GALNT18: variants seen among roughly 807,000 people sequenced by gnomAD.
GALNT18 encodes GalNAc-transferase 18.
A neutral mutation model predicts 69.5 loss-of-function variants in GALNT18; 44 were observed. The observed-to-expected ratio is 0.63, with a 90% CI of 0.50 to 0.81. The LOEUF is 0.81. Among genes scored for constraint, GALNT18 ranks in the 40% least tolerant of loss-of-function variants. GALNT18 has a pLI of 0.00. For synonymous variants in GALNT18, 364 were observed against 318.2 expected (o/e 1.14, Z -1.53); for missense variants, 715 against 810.0 (o/e 0.88, Z 1.42).
At chr11:11,428,420 T>G (rs548898454) in intron 3 of GALNT18, among the ~76,000 whole-genome samples, 1 of 152,242 alleles carries the variant, frequency 6.6e-6, no homozygotes, top group African/African-American at 2.4e-5. Context: ...CTTCCCACCA[T>G]GTCTGGCCTC....
chr11:11,611,984 C>T (rs563165623), intron 1 of GALNT18, among the ~76,000 whole-genome samples: 2 of 152,306 alleles, frequency 1.3e-5, no homozygotes, highest in Non-Finnish European at 2.9e-5. Flanking sequence ...CCTGAGGCCT[C>T]TGAGCTTACA....
intron 1 of GALNT18, among the ~76,000 whole-genome samples, chr11:11,508,547 C>T (rs970696960): frequency 1.3e-4 from 20 of 152,190 alleles, no homozygotes; most frequent in African/African-American, 4.8e-4. Context: ...GGGTGTTACT[C>T]CAAGGCCATG....
intron 1 of GALNT18, among the ~76,000 whole-genome samples, chr11:11,487,152 T>C (rs1454473226): frequency 4.6e-5 from 7 of 152,246 alleles, no homozygotes; most frequent in Admixed American, 1.3e-4. Context: ...TATTTAACCA[T>C]TCCACTTCCC....
rs1311097744 is a variant in GALNT18 at position 11,546,005 on chromosome 11, C to T, written c.235+75354G>A. Among the ~76,000 whole-genome samples the T allele has an allele frequency of 1.3e-5, 2 of 152,096 alleles. No homozygotes were observed. Among genetic ancestry groups the T allele is most frequent in the South Asian group, 2.1e-4 (1 of 4,830 alleles). ...CTAACTTCTCCAGGAGCTGAGACAC[C>T]CTGGGGAGGTTCCCAGCTTTAGAAC... On this transcript the variant is annotated intron_variant, in intron 1 of 10. Transcript: ENST00000227756. The surrounding 1 kb of genome is among the most constrained non-coding windows in gnomAD (Gnocchi z 5.8).
In GALNT18 at chr11:11,293,125, GTCA is replaced by G. The variant is rs774696071; in HGVS notation, c.1578_1580del (p.Asp527del). On this transcript the variant is annotated inframe_deletion, in exon 10 of 11. Coordinates refer to ENST00000227756, the MANE Select transcript of GALNT18 (RefSeq NM_198516.3). ...TGTTGACGTCCACCAGGCATCGGTT[GTCA>G]TCATCATCCACGGTGGGGCTCAGAA... is the stretch of plus-strand genomic sequence containing the variant. The G allele has an allele frequency of 2.8e-5, 39 of 1,371,134 alleles. No individual in the cohort carries two copies. Among genetic ancestry groups the G allele is most frequent in the Middle Eastern group, 2.0e-4 (1 of 5,118 alleles). 84.9% of individuals were successfully genotyped at this position (1,371,134 alleles called of 1,614,324 possible). A position where few individuals can be genotyped will look rare whatever the true frequency, so the allele number is the denominator to read the frequency against.
chr11:11,365,509 C>T (rs1850744776), intron 6 of GALNT18, among the ~76,000 whole-genome samples: 1 of 152,222 alleles, frequency 6.6e-6, no homozygotes, highest in Middle Eastern at 3.4e-3. Context: ...TGGGTATATG[C>T]TCAGTAATGG....
chr11:11,321,053 C>G (rs149695391), intron 9 of GALNT18, among the ~76,000 whole-genome samples: 76 of 152,312 alleles, frequency 5.0e-4, no homozygotes, highest in African/African-American at 1.8e-3. Flanking sequence ...GCTGCAGCTT[C>G]ACATCAAGAA....
In GALNT18 at chr11:11,332,816, T is replaced by A; in HGVS notation, c.1294A>T (p.Ile432Phe). 1 of 1,613,524 alleles carries A rather than the reference T, an allele frequency of 6.2e-7. No individual in the cohort carries two copies. Among genetic ancestry groups the A allele is most frequent in the Non-Finnish European group, 8.5e-7 (1 of 1,179,988 alleles). ...NIPQEDSGIDIGDITARKALR... is the reference protein window; with the variant it reads ...NIPQEDSGIDFGDITARKALR... ...GCCTTCCTTGCAGTGATGTCCCCAA[T>A]GTCAATTCCTGAGTCCTGCACAGGG... Residue 432 changes from isoleucine to phenylalanine, a missense_variant, in exon 8 of 11, where the codon ATT (isoleucine) becomes TTT (phenylalanine). Physicochemically the swap from Ile to Phe is conservative, Grantham distance 21. Coordinates refer to ENST00000227756, the MANE Select transcript of GALNT18 (RefSeq NM_198516.3). The surrounding 1 kb of genome is among the most constrained non-coding windows in gnomAD (Gnocchi z 4.3).
At chr11:11,292,901 C>T in intron 10 of GALNT18, 128 bp downstream of exon 10, 1 of 819,362 alleles carries the variant, frequency 1.2e-6, no homozygotes, top group Non-Finnish European at 1.7e-6. Flanking sequence ...TCTGGAGCCA[C>T]AGCCTCACTA....
At chr11:11,593,478 T>C (rs1445055869) in intron 1 of GALNT18, among the ~76,000 whole-genome samples, 2 of 152,234 alleles carry the variant, frequency 1.3e-5, no homozygotes, top group Non-Finnish European at 2.9e-5. Flanking sequence ...AAACAGACAC[T>C]GATGTTAACA....
chr11:11,489,132 A>G (rs549674035), intron 1 of GALNT18, among the ~76,000 whole-genome samples: 1 of 152,324 alleles, frequency 6.6e-6, no homozygotes, highest in Non-Finnish European at 1.5e-5. Context: ...ACATTTTTTG[A>G]GTACTTCCTA....
intron 1 of GALNT18, among the ~76,000 whole-genome samples, chr11:11,611,507 C>T (rs1044910820): frequency 4.6e-5 from 7 of 152,130 alleles, no homozygotes; most frequent in African/African-American, 1.7e-4. Context: ...ATTTTTACCC[C>T]GTTGCTAGGA....
In GALNT18 at chr11:11,445,853, C is replaced by T. The variant is rs549016143; in HGVS notation, c.428+2891G>A. 2.0e-5 allele frequency among the ~76,000 whole-genome samples: 3 copies of T among 152,294 alleles called. No homozygotes were observed. The South Asian group carries it at 6.2e-4, about 32-fold the overall frequency. The stretch of plus-strand genomic sequence containing the variant: ...AAAGTTCTGTGCAGAGGGAAGGTCT[C>T]TCTGTAAGGACGATTGCTCCTCTCC... On this transcript the variant is annotated intron_variant, in intron 2 of 10. Transcript: ENST00000227756.
chr11:11,343,185 A>T (rs1350666526), intron 6 of GALNT18, among the ~76,000 whole-genome samples: 1 of 151,822 alleles, frequency 6.6e-6, no homozygotes, highest in Non-Finnish European at 1.5e-5. Flanking sequence ...CTCTGCTGAA[A>T]ATTTCAAAAA....
At chr11:11,354,316 G>T (rs927308202) in intron 6 of GALNT18, among the ~76,000 whole-genome samples, 1 of 152,198 alleles carries the variant, frequency 6.6e-6, no homozygotes, top group African/African-American at 2.4e-5. Context: ...CTAAGGTTCA[G>T]GGTCACAGGA....
At position 11,439,886 on chromosome 11, in the gene GALNT18, T is replaced by C. The variant is rs575524817; in HGVS notation, c.429-7099A>G. ...CAAGCCAAAGGGGTGAAGAACAGGA[T>C]GATGGAGGCAGGGTGGGGATACTAA... is the stretch of plus-strand genomic sequence containing the variant. On this transcript the variant is annotated intron_variant, in intron 2 of 10. Coordinates refer to ENST00000227756, the MANE Select transcript of GALNT18 (RefSeq NM_198516.3). The surrounding 1 kb of genome is among the most constrained non-coding windows in gnomAD (Gnocchi z 4.4). 3.4e-4 allele frequency among the ~76,000 whole-genome samples: 52 copies of C among 152,276 alleles called. 1 individual carries two copies. Among genetic ancestry groups the C allele is most frequent in the African/African-American group, 1.2e-3 (50 of 41,544 alleles).
rs1855877459 is a variant in GALNT18, at chr11:11,454,412, A to G, written c.236-5476T>C. Reference sequence around the variant, plus strand: ...CCAGGCTTCTCTCCCAAGTATCCAGAATAGGACTGTGCATGGAGTAATTAC... The same window carrying G: ...CCAGGCTTCTCTCCCAAGTATCCAGGATAGGACTGTGCATGGAGTAATTAC... On this transcript the variant is annotated intron_variant, in intron 1 of 10. Transcript: ENST00000227756. The surrounding 1 kb of genome is among the most constrained non-coding windows in gnomAD (Gnocchi z 4.2). Among the ~76,000 whole-genome samples the G allele has an allele frequency of 6.6e-6, 1 of 152,138 alleles. No individual in the cohort carries two copies. The highest frequency in any genetic ancestry group is 1.5e-5 in the Non-Finnish European group (1 of 68,012).
rs1216735960 is a variant in GALNT18 at position 11,358,850 on chromosome 11, C to CAA, written c.1092+13664_1092+13665insTT. On this transcript the variant is annotated intron_variant, in intron 6 of 10. Coordinates refer to ENST00000227756, the MANE Select transcript of GALNT18 (RefSeq NM_198516.3). ...AAACACACACACACACACACACACACACACACACACACGCACAGACATGTT... is the reference window on the plus strand; with the variant it reads ...AAACACACACACACACACACACACACAAACACACACACACGCACAGACATGTT... Among the ~76,000 whole-genome samples, 366 of 129,742 alleles carry CAA rather than the reference C, an allele frequency of 2.8e-3. 56 individuals carry two copies. Among genetic ancestry groups the CAA allele is most frequent in the African/African-American group, 0.011 (357 of 33,554 alleles). The allele number at this position is 129,742 out of a possible 152,430, so 85.1% of individuals were successfully genotyped here.
Position 11,432,772 on chromosome 11 carries a change from T to C in GALNT18, c.444A>G (p.Ser148=). The part of the protein sequence containing the change: ...DLRPSGCRNL[S]FPDSLPEVSI... ...TCACCTCTGGCAGGCTGTCAGGAAA[T>C]GAGAGGTTACGGCACCTGCAAAGAA... Residue 148 remains serine, a synonymous_variant, in exon 3 of 11, where the codon TCA becomes TCG. Transcript: ENST00000227756. This position sits in a 1 kb window ranked among gnomAD's most constrained non-coding sequence, Gnocchi z 5.8. The C allele has an allele frequency of 6.2e-7, 1 of 1,613,838 alleles. No individual in the cohort carries two copies. The highest frequency in any genetic ancestry group is 1.3e-5 in the African/African-American group (1 of 75,030).
Sources: gnomAD v4.1 joint callset for allele counts (sites outside exome capture counted in the v4.1 genomes callset) on GRCh38, gnomAD v4.1.1 for gene constraint, Gnocchi (gnomAD v3.1) non-coding constraint, MANE v1.5 for transcripts, NCBI Gene and HGNC (gene_info 2026-07-23, HGNC 2026-07-21) for gene names.